Variants in FER observed in about 807,000 individuals in gnomAD.
FER encodes the protein tyrosine-protein kinase Fer.
Under a neutral mutation model 111.0 loss-of-function variants are expected in FER, and 63 were observed. The observed-to-expected ratio is 0.57, with a 90% confidence interval of 0.46 to 0.70. The LOEUF is 0.70. FER is among the 30% of genes least tolerant of loss of function. The pLI is 0.00. For missense variants in FER, 914 were observed against 954.0 expected, an observed-to-expected ratio of 0.96 and a Z score of 0.55; for synonymous variants, 327 against 313.9, an observed-to-expected ratio of 1.04 and a Z score of -0.44.
At chr5:108,866,628 G>A (rs1764097104) in intron 5 of FER, among the ~76,000 whole-genome samples, 2 of 151,110 alleles carry the variant, frequency 1.3e-5, no homozygotes, top group South Asian at 4.2e-4. Context: ...TGACACCAAT[G>A]AATCTCAATG....
intron 9 of FER, among the ~76,000 whole-genome samples, chr5:108,886,170 T>C (rs1021015889): frequency 2.6e-5 from 4 of 151,742 alleles, no homozygotes; most frequent in South Asian, 4.1e-4. Flanking sequence ...GGCTCCCTAA[T>C]CTAGAAGTTA....
intron 13 of FER, among the ~76,000 whole-genome samples, chr5:109,027,303 T>C (rs1425347888): frequency 2.0e-5 from 3 of 152,128 alleles, no homozygotes; most frequent in Non-Finnish European, 2.9e-5. Context: ...TGAATTGGCC[T>C]GTATTTAAGG....
chr5:109,042,013 G>T (rs1771248782), intron 14 of FER, among the ~76,000 whole-genome samples: 1 of 152,126 alleles, frequency 6.6e-6, no homozygotes, highest in South Asian at 2.1e-4. Flanking sequence ...AGAACAGGAA[G>T]TTAAAGGAAA....
intron 8 of FER, among the ~76,000 whole-genome samples, chr5:108,881,774 C>T (rs1200435534): frequency 6.6e-6 from 1 of 151,902 alleles, no homozygotes; most frequent in Non-Finnish European, 1.5e-5. Flanking sequence ...GCTGCTTCTT[C>T]TTATAAGGGC....
intron 16 of FER, among the ~76,000 whole-genome samples, chr5:109,047,853 G>A (rs986390867): frequency 6.6e-6 from 1 of 152,044 alleles, no homozygotes; most frequent in Admixed American, 6.5e-5. Context: ...AATATGTCTT[G>A]GTATTTATTT....
At position 109,196,404 on chromosome 5, in the gene FER, T is replaced by C. The variant is rs888907748; in HGVS notation, c.*8829T>C. The C allele has an allele frequency of 2.6e-5, 4 of 152,190 alleles. No individual in the cohort carries two copies. Among genetic ancestry groups the C allele is most frequent in the African/African-American group, 7.2e-5 (3 of 41,458 alleles). 9.4% of individuals were successfully genotyped at this position (152,190 alleles called of 1,614,324 possible). The stretch of plus-strand genomic sequence containing the variant: ...TGTTAGGCTAAAGCACCTTTAATCA[T>C]TTTTGTTGTTTTAAGATAATGTATT... On this transcript the variant is annotated 3_prime_UTR_variant, in exon 20 of 20. Transcript: ENST00000281092.
intron 16 of FER, among the ~76,000 whole-genome samples, chr5:109,087,246 T>C (rs1777670387): frequency 6.6e-6 from 1 of 151,832 alleles, no homozygotes; most frequent in Admixed American, 6.6e-5. Flanking sequence ...ATATGTTCTG[T>C]ATGACTTTTA....
chr5:109,142,630 A>T (rs1753651145), intron 17 of FER, among the ~76,000 whole-genome samples: 1 of 152,130 alleles, frequency 6.6e-6, no homozygotes, highest in South Asian at 2.1e-4. Flanking sequence ...TTATAGAGAG[A>T]GCATATACAG....
At chr5:109,110,702 G>T (rs141658156) in intron 17 of FER, among the ~76,000 whole-genome samples, 1,594 of 152,076 alleles carry the variant, frequency 0.01, 22 homozygotes, top group African/African-American at 0.037. Context: ...ACAATGTGCA[G>T]GTTTGTTACA....
chr5:108,980,229 G>T (rs1474588480), intron 13 of FER, among the ~76,000 whole-genome samples: 2 of 152,042 alleles, frequency 1.3e-5, no homozygotes, highest in African/African-American at 4.8e-5. Context: ...TACTGTGAAT[G>T]ACATTCATTT....
intron 16 of FER, among the ~76,000 whole-genome samples, chr5:109,084,637 C>G (rs922603081): frequency 6.6e-6 from 1 of 151,866 alleles, no homozygotes; most frequent in Non-Finnish European, 1.5e-5. Context: ...CCCCCTACCC[C>G]TCTTTTGTGT....
intron 8 of FER, among the ~76,000 whole-genome samples, chr5:108,883,070 A>G (rs1328842511): frequency 3.3e-5 from 5 of 151,934 alleles, no homozygotes; most frequent in Non-Finnish European, 7.4e-5. Context: ...ATGTCTACCA[A>G]AGTTGTTCTC....
chr5:108,748,831 TCTTGCCCATTGG>T (rs1164196685), intron 1 of FER: 4 of 152,606 alleles, frequency 2.6e-5, no homozygotes, highest in Admixed American at 6.5e-5. Context: ...CGCCTTCCGC[TCTTGCCCATTGG>T]CTGAGGCCTC....
chr5:108,773,512 C>G (rs776013696), intron 2 of FER, among the ~76,000 whole-genome samples: 43 of 152,160 alleles, frequency 2.8e-4, no homozygotes, highest in Non-Finnish European at 5.4e-4. Flanking sequence ...CATGTCCTTT[C>G]AAAGGACATA....
intron 10 of FER, among the ~76,000 whole-genome samples, chr5:108,911,536 G>A (rs991080163): frequency 1.1e-4 from 17 of 152,124 alleles, no homozygotes; most frequent in South Asian, 2.1e-4. Flanking sequence ...TAAATTCTTC[G>A]TGTAGGCCAA....
intron 5 of FER, among the ~76,000 whole-genome samples, chr5:108,838,334 G>A (rs1330207584): frequency 6.6e-6 from 1 of 152,076 alleles, no homozygotes; most frequent in Non-Finnish European, 1.5e-5. Context: ...TCAGATATTT[G>A]TCTGGCATCC....
intron 17 of FER, among the ~76,000 whole-genome samples, chr5:109,122,425 A>T (rs1561922604): frequency 6.6e-6 from 1 of 152,076 alleles, no homozygotes; most frequent in African/African-American, 2.4e-5. Flanking sequence ...AATTGTTGTC[A>T]GAGAAGATGT....
chr5:109,093,029 C>G (rs1160293828), intron 16 of FER, among the ~76,000 whole-genome samples: 1 of 152,050 alleles, frequency 6.6e-6, no homozygotes, highest in Non-Finnish European at 1.5e-5. Flanking sequence ...TGCATAATTC[C>G]ACTTATATGG....
chr5:109,154,077 C>A (rs1316417523), intron 17 of FER, among the ~76,000 whole-genome samples: 3 of 148,718 alleles, frequency 2.0e-5, no homozygotes, highest in Non-Finnish European at 1.5e-5. Context: ...CATACTTACG[C>A]AAAAAAAAAA....
Sources: allele counts gnomAD v4.1 joint callset (sites outside exome capture counted in the v4.1 genomes callset), GRCh38; gene constraint gnomAD v4.1.1; transcripts MANE v1.5; gene names NCBI Gene and HGNC (gene_info 2026-07-23, HGNC 2026-07-21).